NDST4: variants seen among roughly 807,000 people sequenced by gnomAD.
NDST4 encodes the protein N-heparan sulfate sulfotransferase 4.
A neutral mutation model predicts 100.8 loss-of-function variants in NDST4; 63 were observed. The ratio of observed to expected loss-of-function variants is 0.62; its 90% CI spans 0.51 to 0.77. The LOEUF (loss-of-function observed/expected upper bound fraction) is 0.77, where lower values mean the gene tolerates loss of function less well. Ranked by LOEUF, NDST4 falls within the 30% of genes least tolerant of loss-of-function variation. The pLI, the probability that NDST4 is intolerant of heterozygous loss-of-function variation, is 0.00. For missense variants in NDST4, 943 were observed against 1,018.4 expected (o/e 0.93, Z 1.01); for synonymous variants, 377 against 361.8 (o/e 1.04, Z -0.48).
intron 3 of NDST4, 58 bp downstream of exon 3, chr4:114,977,129 T>C: frequency 9.0e-7 from 1 of 1,109,848 alleles, no homozygotes; most frequent in Non-Finnish European, 1.3e-6. Flanking sequence ...TTATGAATCA[T>C]TCAAAATTTA....
intron 2 of NDST4, among the ~76,000 whole-genome samples, chr4:115,049,475 G>T (rs1431804715): frequency 6.6e-6 from 1 of 152,020 alleles, no homozygotes; most frequent in African/African-American, 2.4e-5. Context: ...CCCTACACTA[G>T]GATAATCATG....
intron 1 of NDST4, among the ~76,000 whole-genome samples, chr4:115,078,755 G>T (rs1446294951): frequency 2.0e-5 from 3 of 151,932 alleles, no homozygotes; most frequent in Admixed American, 1.3e-4. Flanking sequence ...ACAGAGAATT[G>T]CTTGAACCCG....
intron 6 of NDST4, among the ~76,000 whole-genome samples, chr4:114,900,414 A>AT (rs112143481): frequency 1.3e-5 from 2 of 151,948 alleles, no homozygotes; most frequent in East Asian, 1.9e-4. Flanking sequence ...ATTCTAGATC[A>AT]TTTTTTTCTA....
intron 6 of NDST4, among the ~76,000 whole-genome samples, chr4:114,929,113 C>CATCTATCTATCT (rs70964332): frequency 0.028 from 3,255 of 117,272 alleles, 118 homozygotes; most frequent in African/African-American, 0.055. Context: ...TCCATCCATC[C>CATCTATCTATCT]ATCTATCTAT....
intron 2 of NDST4, among the ~76,000 whole-genome samples, chr4:115,019,371 T>A (rs1474945772): frequency 6.6e-6 from 1 of 152,066 alleles, no homozygotes; most frequent in Admixed American, 6.6e-5. Context: ...TCTGTCTTCA[T>A]CCAGGACATA....
At position 115,076,305 on chromosome 4, in the gene NDST4, C is replaced by G. The variant is rs1433335293; in HGVS notation, c.732G>C (p.Leu244=). ...LLTELQTEKS[L]SSLSSKTLFA... ...AGAGTGTTTTGCTAGACAAGGATGA[C>G]AGGGATTTTTCTGTCTGTAACTCAG... Residue 244 remains leucine, a synonymous_variant, in exon 2 of 14, where the codon CTG becomes CTC. Coordinates refer to ENST00000264363, the MANE Select transcript of NDST4 (RefSeq NM_022569.3). The G allele has an allele frequency of 6.2e-7, 1 of 1,613,824 alleles. No individual in the cohort carries two copies. The highest frequency in any genetic ancestry group is 8.5e-7 in the Non-Finnish European group (1 of 1,179,936).
intron 2 of NDST4, among the ~76,000 whole-genome samples, chr4:115,070,118 A>G (rs1426351273): frequency 6.6e-6 from 1 of 152,160 alleles, no homozygotes; most frequent in South Asian, 2.1e-4. Flanking sequence ...AGACACATAC[A>G]TGCATACAAT....
chr4:115,112,558 T>C (rs1176200166), intron 1 of NDST4, among the ~76,000 whole-genome samples: 1 of 151,898 alleles, frequency 6.6e-6, no homozygotes, highest in African/African-American at 2.4e-5. Flanking sequence ...CAGTATAACT[T>C]ATCATAATAA....
intron 1 of NDST4, among the ~76,000 whole-genome samples, chr4:115,101,310 A>G (rs72900648): frequency 2.2e-4 from 34 of 152,246 alleles, no homozygotes; most frequent in African/African-American, 7.9e-4. Context: ...ATCATTTTTG[A>G]AAAGTCTGTG....
At chr4:114,994,408 CT>C (rs1423714631) in intron 2 of NDST4, among the ~76,000 whole-genome samples, 1 of 151,892 alleles carries the variant, frequency 6.6e-6, no homozygotes, top group Non-Finnish European at 1.5e-5. Context: ...AATCTCCTTG[CT>C]TTTTTTCTGT....
chr4:114,900,524 T>G lies in NDST4; in HGVS notation c.1537-29574A>C, dbSNP rs139447577. ...AATACCATATTTTTACTGTACCTTT[T>G]CTATGTTTAGATATGCTTAGATACA... is the stretch of plus-strand genomic sequence containing the variant. On this transcript the variant is annotated intron_variant, in intron 6 of 13. Coordinates refer to ENST00000264363, the MANE Select transcript of NDST4 (RefSeq NM_022569.3). Among the ~76,000 whole-genome samples, 1,413 of 152,254 alleles carry G rather than the reference T, an allele frequency of 9.3e-3. 82 individuals carry two copies. In the South Asian group the frequency reaches 0.17, roughly 18 times the overall value.
intron 3 of NDST4, among the ~76,000 whole-genome samples, chr4:114,971,153 T>C (rs1053100670): frequency 2.0e-5 from 3 of 152,090 alleles, no homozygotes; most frequent in African/African-American, 7.2e-5. Flanking sequence ...TTTAAAAGTT[T>C]AGCTCTTGCT....
chr4:114,958,154 C>G (rs990466942), intron 4 of NDST4, among the ~76,000 whole-genome samples: 5 of 152,236 alleles, frequency 3.3e-5, no homozygotes, highest in Admixed American at 3.3e-4. Context: ...GCAGATTCTC[C>G]ATGAGGGCTC....
At chr4:114,870,093 C>G (rs955459976) in intron 7 of NDST4, among the ~76,000 whole-genome samples, 1 of 151,988 alleles carries the variant, frequency 6.6e-6, no homozygotes. Context: ...CATAAAGAGG[C>G]AAGAAAATGG....
At chr4:115,091,133 A>G (rs947184699) in intron 1 of NDST4, among the ~76,000 whole-genome samples, 9 of 152,126 alleles carry the variant, frequency 5.9e-5, no homozygotes, top group South Asian at 2.1e-4. Flanking sequence ...TACAATTCAT[A>G]TATATCTAAA....
intron 6 of NDST4, among the ~76,000 whole-genome samples, chr4:114,884,231 T>G (rs1450579050): frequency 6.6e-6 from 1 of 152,012 alleles, no homozygotes; most frequent in African/African-American, 2.4e-5. Context: ...TTAAACACAC[T>G]CACTTGCACA....
At chr4:114,984,955 T>C (rs1178607649) in intron 2 of NDST4, among the ~76,000 whole-genome samples, 7 of 152,236 alleles carry the variant, frequency 4.6e-5, no homozygotes, top group Admixed American at 4.6e-4. Context: ...TGATAAACTG[T>C]TACTGCTACT....
At chr4:115,031,210 C>T (rs115737144) in intron 2 of NDST4, among the ~76,000 whole-genome samples, 1,741 of 152,122 alleles carry the variant, frequency 0.011, 35 homozygotes, top group African/African-American at 0.04. Context: ...GTGGTCTGTT[C>T]ATTTGTTATT....
chr4:114,937,478 CCCATGTTGATTGGTATT>C lies in NDST4; in HGVS notation c.1230_1246del (p.Ile411LeufsTer33). 6.3e-7 allele frequency: 1 copy of C among 1,585,440 alleles called. No homozygotes were observed. The highest frequency in any genetic ancestry group is 8.6e-7 in the Non-Finnish European group (1 of 1,165,934). On this transcript the variant is annotated frameshift_variant, in exon 5 of 14. Coordinates refer to ENST00000264363, the MANE Select transcript of NDST4 (RefSeq NM_022569.3). LOFTEE classifies it high-confidence loss of function. Reference sequence around the variant, plus strand: ...TGAGTGATGTGGGGCCACAGCATAGCCCATGTTGATTGGTATTCCATGTTCCTAAAACAAAGCCAGAA... The same window carrying C: ...TGAGTGATGTGGGGCCACAGCATAGCCCATGTTCCTAAAACAAAGCCAGAA...
Sources: gnomAD v4.1 joint callset for allele counts (sites outside exome capture counted in the v4.1 genomes callset) on GRCh38, gnomAD v4.1.1 for gene constraint, MANE v1.5 for transcripts, NCBI Gene and HGNC (gene_info 2026-07-23, HGNC 2026-07-21) for gene names.